AHI1: variants seen among roughly 807,000 people sequenced by gnomAD.
AHI1 encodes the protein jouberin.
AHI1 carries 123 observed loss-of-function variants against 149.3 expected under a neutral mutation model. The ratio of observed to expected loss-of-function variants is 0.82; its 90% CI spans 0.71 to 0.96. The LOEUF is 0.96. AHI1 is among the 40% of genes least tolerant of loss of function. AHI1 has a pLI of 0.00. For missense variants in AHI1, 1,439 were observed against 1,422.7 expected (o/e 1.01, Z -0.18); for synonymous variants, 475 against 459.8 (o/e 1.03, Z -0.42).
chr6:135,289,861 T>C (rs1583513391), intron 28 of AHI1, among the ~76,000 whole-genome samples: 1 of 152,042 alleles, frequency 6.6e-6, no homozygotes. Flanking sequence ...ACTTCACTTC[T>C]ACTTAATAGA....
chr6:135,492,350 C>G, intron 3 of AHI1, 59 bp from the exon 4 acceptor site: 1 of 1,460,244 alleles, frequency 6.8e-7, no homozygotes, highest in Non-Finnish European at 9.1e-7. Context: ...AATTATAAAA[C>G]GTTCTTCACA....
chr6:135,373,289 A>G (rs1775343105), intron 23 of AHI1, among the ~76,000 whole-genome samples: 1 of 152,190 alleles, frequency 6.6e-6, no homozygotes, highest in Non-Finnish European at 1.5e-5. Flanking sequence ...ACAACTGCCT[A>G]TGGCATTAGG....
chr6:135,445,204 G>A (rs1454790060), intron 13 of AHI1, among the ~76,000 whole-genome samples: 1 of 152,196 alleles, frequency 6.6e-6, no homozygotes, highest in Admixed American at 6.5e-5. Flanking sequence ...AAATGAAGAT[G>A]AATAAGTAAG....
At chr6:135,416,226 G>A (rs1782358250) in intron 20 of AHI1, among the ~76,000 whole-genome samples, 1 of 151,942 alleles carries the variant, frequency 6.6e-6, no homozygotes, top group African/African-American at 2.4e-5. Flanking sequence ...GAGTTCCCAT[G>A]AAATCCATTA....
intron 14 of AHI1, among the ~76,000 whole-genome samples, chr6:135,439,864 C>T (rs1427822231): frequency 1.3e-5 from 2 of 152,120 alleles, no homozygotes; most frequent in Non-Finnish European, 2.9e-5. Context: ...AAAAGAGGGA[C>T]TACTGTACTT....
intron 5 of AHI1, among the ~76,000 whole-genome samples, chr6:135,482,566 C>G (rs1019046009): frequency 6.6e-6 from 1 of 151,850 alleles, no homozygotes; most frequent in Admixed American, 6.6e-5. Context: ...TAATTGCATA[C>G]AGTCAATTTA....
chr6:135,445,563 T>A (rs560676903), intron 13 of AHI1, among the ~76,000 whole-genome samples: 97 of 152,250 alleles, frequency 6.4e-4, no homozygotes, highest in African/African-American at 1.7e-3. Context: ...AATTTTTTTT[T>A]AAATTTTTAA....
chr6:135,449,087 T>C (rs767859484), intron 11 of AHI1, among the ~76,000 whole-genome samples: 6 of 152,230 alleles, frequency 3.9e-5, no homozygotes, highest in Middle Eastern at 3.4e-3. Flanking sequence ...CGCTCTGTTA[T>C]CCAGGCCGGA....
At chr6:135,493,330 T>C (rs188433974) in intron 3 of AHI1, among the ~76,000 whole-genome samples, 64 of 152,328 alleles carry the variant, frequency 4.2e-4, no homozygotes, top group African/African-American at 1.4e-3. Context: ...TCCAATTCCC[T>C]GGACATCCAC....
At chr6:135,343,647 A>C (rs889090334) in intron 24 of AHI1, among the ~76,000 whole-genome samples, 10 of 151,352 alleles carry the variant, frequency 6.6e-5, no homozygotes, top group East Asian at 1.9e-4. Flanking sequence ...AAAAAAAAAA[A>C]CACCAAAAAA....
chr6:135,431,133 C>T (rs1311185344), intron 17 of AHI1, 75 bp downstream of exon 17: 1 of 917,828 alleles, frequency 1.1e-6, no homozygotes, highest in Admixed American at 2.7e-5. Flanking sequence ...TCCTGACATC[C>T]TATCTTAAAG....
rs1386367073 is a variant in AHI1, at chr6:135,497,188, C to T, written c.-140G>A. On this transcript the variant is annotated splice_region_variant and 5_prime_UTR_variant, in exon 2 of 29. Coordinates refer to ENST00000265602, the MANE Select transcript of AHI1 (RefSeq NM_001134831.2). ...CTTATAAATATAACAAATTGATCAC[C>T]TTTTCTCAGACATAATTAAGAAGGC... 6.6e-6 allele frequency: 1 copy of T among 152,124 alleles called. No individual in the cohort carries two copies. The highest frequency in any genetic ancestry group is 1.5e-5 in the Non-Finnish European group (1 of 68,042). 9.4% of individuals were successfully genotyped at this position (152,124 alleles called of 1,614,324 possible). A position where few individuals can be genotyped will look rare whatever the true frequency, so the allele number is the denominator to read the frequency against.
At chr6:135,292,135 TACACAA>T (rs1217383921) in intron 27 of AHI1, among the ~76,000 whole-genome samples, 1 of 134,356 alleles carries the variant, frequency 7.4e-6, no homozygotes, top group Non-Finnish European at 1.5e-5. Flanking sequence ...CACACACACA[TACACAA>T]ACACACACAC....
intron 26 of AHI1, chr6:135,301,810 A>G: frequency 1.0e-6 from 1 of 985,452 alleles, no homozygotes; most frequent in Non-Finnish European, 1.2e-6. Flanking sequence ...AAAAAAGTAC[A>G]TACACACGGG....
At chr6:135,367,284 C>T (rs1225082352) in intron 23 of AHI1, among the ~76,000 whole-genome samples, 4 of 152,154 alleles carry the variant, frequency 2.6e-5, no homozygotes, top group African/African-American at 4.8e-5. Flanking sequence ...TGCCTCACAG[C>T]TCTTAAGATT....
rs530474490 is a variant in AHI1 at position 135,448,957 on chromosome 6, A to AT, written c.1441-483dup. Among the ~76,000 whole-genome samples, 4 of 152,120 alleles carry AT rather than the reference A, an allele frequency of 2.6e-5. No homozygotes were observed. The South Asian group carries it at 6.2e-4, about 24-fold the overall frequency. ...TAAACTCATTCAAGCCATTCGTTACATTTTTTTCAGTATTTTAGTATATCT... is the reference window on the plus strand; with the variant it reads ...TAAACTCATTCAAGCCATTCGTTACATTTTTTTTCAGTATTTTAGTATATCT... On this transcript the variant is annotated intron_variant, in intron 11 of 28. Transcript: ENST00000265602.
intron 24 of AHI1, among the ~76,000 whole-genome samples, chr6:135,346,344 G>A (rs1009522452): frequency 1.3e-5 from 2 of 151,922 alleles, no homozygotes; most frequent in South Asian, 2.1e-4. Flanking sequence ...ACAGGTGCTC[G>A]CCACCATGCC....
At chr6:135,407,704 GATTTC>G (rs1392884921) in intron 21 of AHI1, among the ~76,000 whole-genome samples, 2 of 151,932 alleles carry the variant, frequency 1.3e-5, no homozygotes, top group Non-Finnish European at 1.5e-5. Flanking sequence ...TCTTGCGTTT[GATTTC>G]ATTTCTTAAA....
intron 11 of AHI1, among the ~76,000 whole-genome samples, chr6:135,451,316 A>G (rs925388426): frequency 4.6e-5 from 7 of 152,080 alleles, no homozygotes; most frequent in Admixed American, 1.3e-4. Context: ...TTGAAGATGA[A>G]TTTTATCCTT....
Sources: allele counts gnomAD v4.1 joint callset (sites outside exome capture counted in the v4.1 genomes callset), GRCh38; gene constraint gnomAD v4.1.1; transcripts MANE v1.5; gene names NCBI Gene and HGNC (gene_info 2026-07-23, HGNC 2026-07-21).